Variants in EDIL3 observed in about 807,000 individuals in gnomAD.
EDIL3 encodes the protein EGF-like repeat and discoidin I-like domain-containing protein 3.
A neutral mutation model predicts 67.4 loss-of-function variants in EDIL3; 37 were observed. The observed-to-expected ratio is 0.55, with a 90% confidence interval of 0.42 to 0.72. The LOEUF is 0.72. Ranked by LOEUF, EDIL3 falls within the 30% of genes least tolerant of loss-of-function variation. The probability of loss-of-function intolerance (pLI) is 0.00; values close to 1 mark genes in which losing one functional copy is unlikely to be tolerated. For synonymous variants in EDIL3, 195 were observed against 196.3 expected (o/e 0.99, Z 0.05); for missense variants, 527 against 586.3 (o/e 0.90, Z 1.04).
chr5:84,052,240 T>C (rs1746354452), intron 9 of EDIL3, among the ~76,000 whole-genome samples: 1 of 152,120 alleles, frequency 6.6e-6, no homozygotes, highest in South Asian at 2.1e-4. Context: ...AATAAAATCC[T>C]TTACAGACAA....
At chr5:84,049,915 C>A (rs1161039370) in intron 9 of EDIL3, among the ~76,000 whole-genome samples, 1 of 152,010 alleles carries the variant, frequency 6.6e-6, no homozygotes, top group Admixed American at 6.6e-5. Context: ...AAAAAAATCA[C>A]ACGGCCGGGC....
In EDIL3 at chr5:84,028,655, T is replaced by C. The variant is rs553044415; in HGVS notation, c.1137+31645A>G. 2.2e-4 allele frequency among the ~76,000 whole-genome samples: 34 copies of C among 152,252 alleles called. No individual in the cohort carries two copies. In the East Asian group the frequency reaches 5.6e-3, roughly 25 times the overall value. On this transcript the variant is annotated intron_variant, in intron 9 of 10. Transcript: ENST00000296591. Reference sequence around the variant, plus strand: ...ACTTCAAAAAAAGTCCAAAGTTTTCTGATAATCTAAACATACAAACACATA... The same window carrying C: ...ACTTCAAAAAAAGTCCAAAGTTTTCCGATAATCTAAACATACAAACACATA...
chr5:83,962,494 T>C (rs894498463), intron 10 of EDIL3, among the ~76,000 whole-genome samples: 2 of 151,490 alleles, frequency 1.3e-5, no homozygotes, highest in Non-Finnish European at 3.0e-5. Context: ...AACCAATAGA[T>C]ACTATGAAAA....
chr5:84,312,553 C>T lies in EDIL3; in HGVS notation c.68-58341G>A, dbSNP rs548378419. On this transcript the variant is annotated intron_variant, in intron 1 of 10. Coordinates refer to ENST00000296591, the MANE Select transcript of EDIL3 (RefSeq NM_005711.5). The stretch of plus-strand genomic sequence containing the variant: ...TCCCGGACAGGGGTGGCTGGCCTGG[C>T]GGGGGGCTGACTCCCCCACCACCCT... Among the ~76,000 whole-genome samples the T allele has an allele frequency of 1.2e-4, 16 of 138,564 alleles. No homozygotes were observed. The East Asian group carries it at 2.0e-3, about 17-fold the overall frequency. The allele number at this position is 138,564 out of a possible 152,430, so 90.9% of individuals were successfully genotyped here.
chr5:84,279,742 CGATAA>C (rs1034031604), intron 1 of EDIL3, among the ~76,000 whole-genome samples: 2 of 152,162 alleles, frequency 1.3e-5, no homozygotes, highest in Non-Finnish European at 2.9e-5. Context: ...GCAGAAGCTT[CGATAA>C]GATATTTCTT....
chr5:84,096,612 GT>G (rs1017209081), intron 6 of EDIL3, among the ~76,000 whole-genome samples: 1 of 152,068 alleles, frequency 6.6e-6, no homozygotes, highest in Non-Finnish European at 1.5e-5. Flanking sequence ...AAGGGACTTG[GT>G]TTTTTTCAGA....
intron 1 of EDIL3, among the ~76,000 whole-genome samples, chr5:84,311,832 C>T (rs999973019): frequency 2.0e-5 from 3 of 152,084 alleles, no homozygotes; most frequent in African/African-American, 7.2e-5. Flanking sequence ...TCCATTTAAC[C>T]CTGAGTGGAC....
Position 84,200,167 on chromosome 5 carries a change from C to T in EDIL3, c.227-19646G>A, listed in dbSNP as rs189182941. Among the ~76,000 whole-genome samples, 363 of 152,084 alleles carry T rather than the reference C, an allele frequency of 2.4e-3. 4 individuals carry two copies. The highest frequency in any genetic ancestry group is 8.3e-3 in the African/African-American group (344 of 41,524). ...TATGAATTTAAAGATAACTCTAAAA[C>T]CTTTCTTAAAAAGCAGAGTATTAAC... On this transcript the variant is annotated intron_variant, in intron 3 of 10. Coordinates refer to ENST00000296591, the MANE Select transcript of EDIL3 (RefSeq NM_005711.5).
chr5:84,044,414 T>G (rs2112217382), intron 9 of EDIL3, among the ~76,000 whole-genome samples: 1 of 152,252 alleles, frequency 6.6e-6, no homozygotes, highest in Middle Eastern at 3.4e-3. Context: ...ACTGCTTACC[T>G]TATGGGAGTA....
At chr5:84,062,184 T>C (rs1746558071) in intron 8 of EDIL3, among the ~76,000 whole-genome samples, 2 of 152,118 alleles carry the variant, frequency 1.3e-5, no homozygotes, top group Non-Finnish European at 2.9e-5. Context: ...AAAAAAGTCA[T>C]AACAATTCTC....
intron 1 of EDIL3, among the ~76,000 whole-genome samples, chr5:84,354,073 T>C (rs1209793887): frequency 6.6e-6 from 1 of 152,216 alleles, no homozygotes; most frequent in Non-Finnish European, 1.5e-5. Context: ...AAGAATCTTG[T>C]AGATAAATCA....
At position 84,016,453 on chromosome 5, in the gene EDIL3, C is replaced by T. The variant is rs572747165; in HGVS notation, c.1137+43847G>A. Among the ~76,000 whole-genome samples the T allele has an allele frequency of 1.1e-4, 16 of 152,200 alleles. No homozygotes were observed. The South Asian group carries it at 2.5e-3, about 24-fold the overall frequency. On this transcript the variant is annotated intron_variant, in intron 9 of 10. Transcript: ENST00000296591. ...TATTCCCTATTGTGTTTTGTATATG[C>T]TGTAATTCATCTAGTTTTCAACACA...
chr5:84,034,926 A>G (rs1745992845), intron 9 of EDIL3, among the ~76,000 whole-genome samples: 1 of 152,138 alleles, frequency 6.6e-6, no homozygotes, highest in South Asian at 2.1e-4. Flanking sequence ...GGCCTAAGTG[A>G]GTACATTTCT....
At chr5:84,015,813 T>A (rs1004139061) in intron 9 of EDIL3, among the ~76,000 whole-genome samples, 2 of 152,208 alleles carry the variant, frequency 1.3e-5, no homozygotes, top group Admixed American at 1.3e-4. Context: ...AGAAACTCTC[T>A]TGAGAAGTAA....
intron 9 of EDIL3, among the ~76,000 whole-genome samples, chr5:84,014,701 TAA>T (rs527642455): frequency 8.8e-4 from 134 of 152,218 alleles, no homozygotes; most frequent in East Asian, 1.9e-3. Flanking sequence ...AACTAAAAAT[TAA>T]AGACTCTAAT....
chr5:84,192,040 T>A (rs1743600343), intron 3 of EDIL3, among the ~76,000 whole-genome samples: 1 of 152,044 alleles, frequency 6.6e-6, no homozygotes, highest in South Asian at 2.1e-4. Context: ...ACCAAGTAGT[T>A]ACTCATTAGT....
chr5:84,178,159 A>T (rs1748952955), intron 4 of EDIL3, among the ~76,000 whole-genome samples: 1 of 152,158 alleles, frequency 6.6e-6, no homozygotes, highest in Non-Finnish European at 1.5e-5. Context: ...TGAAATTATC[A>T]CTTTTGGCTA....
intron 6 of EDIL3, among the ~76,000 whole-genome samples, chr5:84,070,095 C>T (rs185110137): frequency 1.1e-4 from 17 of 152,200 alleles, no homozygotes; most frequent in African/African-American, 3.9e-4. Flanking sequence ...AGAGGAAGAC[C>T]ACCTTCCCAC....
intron 6 of EDIL3, among the ~76,000 whole-genome samples, chr5:84,086,610 C>T (rs909454379): frequency 1.3e-5 from 2 of 152,046 alleles, no homozygotes; most frequent in Non-Finnish European, 2.9e-5. Context: ...CATCTTGGCC[C>T]CTCCAAAAAG....
Sources: allele counts gnomAD v4.1 joint callset (sites outside exome capture counted in the v4.1 genomes callset), GRCh38; gene constraint gnomAD v4.1.1; transcripts MANE v1.5; gene names NCBI Gene and HGNC (gene_info 2026-07-23, HGNC 2026-07-21).